Variants in CCSER1 observed in about 807,000 individuals in gnomAD.
CCSER1 encodes coiled-coil serine rich protein 1.
Under a neutral mutation model 82.0 loss-of-function variants are expected in CCSER1, and 41 were observed. The ratio of observed to expected loss-of-function variants is 0.50; its 90% CI spans 0.39 to 0.65. The LOEUF is 0.65. Ranked by LOEUF, CCSER1 falls within the 30% of genes least tolerant of loss-of-function variation. The pLI is 0.00. For synonymous variants in CCSER1, 414 were observed against 383.9 expected (o/e 1.08, Z -0.92); for missense variants, 1,119 against 1,064.2 (o/e 1.05, Z -0.72).
intron 7 of CCSER1, among the ~76,000 whole-genome samples, chr4:90,807,695 A>G (rs1482041831): frequency 6.6e-6 from 1 of 152,088 alleles, no homozygotes; most frequent in African/African-American, 2.4e-5. Flanking sequence ...AGGAGATGAA[A>G]GAGCTCTGTA....
intron 10 of CCSER1, among the ~76,000 whole-genome samples, chr4:91,577,352 C>T (rs138466796): frequency 2.7e-4 from 41 of 151,772 alleles, no homozygotes; most frequent in African/African-American, 9.4e-4. Flanking sequence ...TCAGTGTTTC[C>T]AGAGATACCA....
At chr4:90,411,293 A>T (rs1337259551) in intron 4 of CCSER1, among the ~76,000 whole-genome samples, 1 of 152,200 alleles carries the variant, frequency 6.6e-6, no homozygotes, top group Non-Finnish European at 1.5e-5. Context: ...CATCATCCTG[A>T]TACCAAAGCC....
intron 1 of CCSER1, among the ~76,000 whole-genome samples, chr4:90,267,916 T>C (rs1239346832): frequency 6.6e-6 from 1 of 152,038 alleles, no homozygotes; most frequent in Non-Finnish European, 1.5e-5. Context: ...TAGAAACAAA[T>C]AACCTACAAT....
Position 90,470,762 on chromosome 4 carries a change from C to CAAAAAAAA in CCSER1, c.1724+2420_1724+2427dup, listed in dbSNP as rs754754971. Among the ~76,000 whole-genome samples the CAAAAAAAA allele has an allele frequency of 3.6e-3, 257 of 70,740 alleles. 9 individuals carry two copies. Among genetic ancestry groups the CAAAAAAAA allele is most frequent in the Middle Eastern group, 8.3e-3 (1 of 120 alleles). 46.4% of individuals were successfully genotyped at this position (70,740 alleles called of 152,430 possible). A position where few individuals can be genotyped will look rare whatever the true frequency, so the allele number is the denominator to read the frequency against. ...AATTTCTCATTCCTTTTAATCAAAG[C>CAAAAAAAA]AAAAAAAAAAAAAAAAAAACAAAAC... is the stretch of plus-strand genomic sequence containing the variant. On this transcript the variant is annotated intron_variant, in intron 5 of 10. Transcript: ENST00000509176.
chr4:90,924,887 C>T (rs960992734), intron 9 of CCSER1, among the ~76,000 whole-genome samples: 67 of 152,166 alleles, frequency 4.4e-4, no homozygotes, highest in Non-Finnish European at 3.1e-4. Flanking sequence ...TCATCACTGC[C>T]GGCTACTGTT....
At chr4:90,971,367 C>G (rs938283719) in intron 9 of CCSER1, among the ~76,000 whole-genome samples, 1 of 151,922 alleles carries the variant, frequency 6.6e-6, no homozygotes, top group African/African-American at 2.4e-5. Context: ...TGAGAACTCA[C>G]TCACTATCAC....
intron 1 of CCSER1, among the ~76,000 whole-genome samples, chr4:90,267,088 C>T (rs987220255): frequency 3.9e-5 from 6 of 152,074 alleles, no homozygotes; most frequent in Admixed American, 3.9e-4. Context: ...TCTAGGCCTA[C>T]CCTGGGCCAG....
intron 10 of CCSER1, among the ~76,000 whole-genome samples, chr4:91,283,543 G>A (rs1743070010): frequency 6.6e-6 from 1 of 151,980 alleles, no homozygotes; most frequent in South Asian, 2.1e-4. Context: ...AAAACTTCCT[G>A]TCAAATTTAA....
At chr4:90,917,489 GA>G (rs1401825806) in intron 8 of CCSER1, among the ~76,000 whole-genome samples, 1 of 152,062 alleles carries the variant, frequency 6.6e-6, no homozygotes, top group East Asian at 1.9e-4. Context: ...CCAGGAAGGG[GA>G]CATCACACAC....
intron 10 of CCSER1, among the ~76,000 whole-genome samples, chr4:91,588,028 G>A (rs1764087271): frequency 6.6e-6 from 1 of 151,258 alleles, no homozygotes; most frequent in Non-Finnish European, 1.5e-5. Context: ...GAAAATAATT[G>A]ACAATTATTT....
At chr4:90,838,018 A>G (rs1242798597) in intron 8 of CCSER1, among the ~76,000 whole-genome samples, 1 of 150,914 alleles carries the variant, frequency 6.6e-6, no homozygotes, top group Non-Finnish European at 1.5e-5. Context: ...CATAGTAGCT[A>G]TTCTGTACAC....
chr4:90,341,126 T>G (rs1358999187), intron 3 of CCSER1, among the ~76,000 whole-genome samples: 1 of 152,114 alleles, frequency 6.6e-6, no homozygotes, highest in East Asian at 1.9e-4. Flanking sequence ...GAATTAATAA[T>G]TTTGCACTGT....
At chr4:91,367,426 A>C (rs1427459560) in intron 10 of CCSER1, among the ~76,000 whole-genome samples, 1 of 117,792 alleles carries the variant, frequency 8.5e-6, no homozygotes, top group East Asian at 3.2e-4. Flanking sequence ...GGCTTTCTTG[A>C]TTTCTTTCTT....
At chr4:90,504,841 A>G (rs2153613599) in intron 5 of CCSER1, among the ~76,000 whole-genome samples, 1 of 152,294 alleles carries the variant, frequency 6.6e-6, no homozygotes, top group African/African-American at 2.4e-5. Flanking sequence ...GCCAATTCCA[A>G]ACATTGCAGA....
intron 3 of CCSER1, among the ~76,000 whole-genome samples, chr4:90,337,817 T>G (rs1740691350): frequency 6.6e-6 from 1 of 152,160 alleles, no homozygotes. Context: ...TAGAAACATC[T>G]ATATTTTCCC....
chr4:91,304,043 C>T (rs1296562490), intron 10 of CCSER1, among the ~76,000 whole-genome samples: 1 of 151,916 alleles, frequency 6.6e-6, no homozygotes, highest in Non-Finnish European at 1.5e-5. Context: ...ATTGTGGTAG[C>T]ACCCTTCCTG....
At chr4:91,274,540 A>C (rs1742274458) in intron 10 of CCSER1, among the ~76,000 whole-genome samples, 1 of 151,982 alleles carries the variant, frequency 6.6e-6, no homozygotes, top group Non-Finnish European at 1.5e-5. Flanking sequence ...CCTCCATGAG[A>C]TTAATGTTTT....
rs529156647 is a variant in CCSER1 at position 90,970,689 on chromosome 4, T to G, written c.2172+47242T>G. On this transcript the variant is annotated intron_variant, in intron 9 of 10. Coordinates refer to ENST00000509176, the MANE Select transcript of CCSER1 (RefSeq NM_001145065.2). Reference sequence around the variant, plus strand: ...CTTTCAAGATAGATTATATGTTTAGTCATAAAACAAGTCTTAACAAATTTA... The same window carrying G: ...CTTTCAAGATAGATTATATGTTTAGGCATAAAACAAGTCTTAACAAATTTA... 3.3e-5 allele frequency among the ~76,000 whole-genome samples: 5 copies of G among 152,118 alleles called. No homozygotes were observed. In the East Asian group the frequency reaches 7.7e-4, roughly 24 times the overall value.
At chr4:90,363,510 T>G (rs1466245695) in intron 3 of CCSER1, among the ~76,000 whole-genome samples, 1 of 152,004 alleles carries the variant, frequency 6.6e-6, no homozygotes, top group Non-Finnish European at 1.5e-5. Context: ...TTAAGTGCAC[T>G]CATGTGTTTG....
Sources: gnomAD v4.1 joint callset for allele counts (sites outside exome capture counted in the v4.1 genomes callset) on GRCh38, gnomAD v4.1.1 for gene constraint, MANE v1.5 for transcripts, NCBI Gene and HGNC (gene_info 2026-07-23, HGNC 2026-07-21) for gene names.